Variants in C2orf42 observed in about 807,000 individuals in gnomAD.
The protein encoded by C2orf42 is chromosome 2 open reading frame 42.
Under a neutral mutation model 58.9 loss-of-function variants are expected in C2orf42, and 44 were observed. That is an observed-to-expected ratio of 0.75 (90% CI 0.59 to 0.96). The LOEUF is 0.96. Ranked by LOEUF, C2orf42 falls within the 40% of genes least tolerant of loss-of-function variation. The pLI, the probability that C2orf42 is intolerant of heterozygous loss-of-function variation, is 0.00. For missense variants in C2orf42, 630 were observed against 699.2 expected (o/e 0.90, Z 1.12); for synonymous variants, 239 against 265.4 (o/e 0.90, Z 0.97).
At chr2:70,163,194 G>A (rs937597034) in intron 8 of C2orf42, among the ~76,000 whole-genome samples, 1 of 150,942 alleles carries the variant, frequency 6.6e-6, no homozygotes, top group Non-Finnish European at 1.5e-5. Context: ...TTCTATTACT[G>A]TAGGAAAAAA....
Sources: allele counts gnomAD v4.1 joint callset (sites outside exome capture counted in the v4.1 genomes callset), GRCh38; gene constraint gnomAD v4.1.1; transcripts MANE v1.5; gene names NCBI Gene and HGNC (gene_info 2026-07-23, HGNC 2026-07-21).